Variants in TRABD2B observed in about 807,000 individuals in gnomAD.
TRABD2B encodes the protein metalloprotease TIKI2.
TRABD2B carries 14 observed loss-of-function variants against 40.1 expected under a neutral mutation model. That is an observed-to-expected ratio of 0.35 (90% CI 0.23 to 0.55). TRABD2B has a LOEUF of 0.55. TRABD2B is among the 20% of genes least tolerant of loss of function. The pLI, the probability that TRABD2B is intolerant of heterozygous loss-of-function variation, is 0.90. For missense variants in TRABD2B, 541 were observed against 648.6 expected (o/e 0.83, Z 1.80); for synonymous variants, 263 against 277.0 (o/e 0.95, Z 0.50).
chr1:47,895,559 G>A (rs1557642392), intron 2 of TRABD2B, among the ~76,000 whole-genome samples: 2 of 152,234 alleles, frequency 1.3e-5, no homozygotes, highest in South Asian at 2.1e-4. Context: ...TGTTTTACTC[G>A]GCAGCAAACC....
At chr1:47,795,957 T>C (rs1644742632) in intron 3 of TRABD2B, among the ~76,000 whole-genome samples, 2 of 152,168 alleles carry the variant, frequency 1.3e-5, no homozygotes, top group South Asian at 4.1e-4. Context: ...GGTCTTGAAC[T>C]AGGCAGAGAG....
rs546350533 is a variant in TRABD2B, at chr1:47,928,915, C to G, written c.666+65119G>C. On this transcript the variant is annotated intron_variant, in intron 2 of 6. Transcript: ENST00000606738. ...AGATCCCCTGTTGGAATTGATCTCC[C>G]AGGTAAAACCCTAACTGCTTTAACA... 4.6e-5 allele frequency among the ~76,000 whole-genome samples: 7 copies of G among 152,310 alleles called. No homozygotes were observed. In the East Asian group the frequency reaches 1.2e-3, roughly 25 times the overall value.
At chr1:47,901,014 C>T (rs1644593477) in intron 2 of TRABD2B, among the ~76,000 whole-genome samples, 1 of 152,134 alleles carries the variant, frequency 6.6e-6, no homozygotes, top group Admixed American at 6.5e-5. Context: ...TAGTTGTGCC[C>T]GTCTGTCCCA....
intron 2 of TRABD2B, among the ~76,000 whole-genome samples, chr1:47,918,474 C>G (rs541714035): frequency 6.6e-6 from 1 of 152,166 alleles, no homozygotes; most frequent in Admixed American, 6.5e-5. Context: ...ATAGCTAGTA[C>G]GCAGCACGGC....
At position 47,822,455 on chromosome 1, in the gene TRABD2B, G is replaced by T. The variant is rs778308411; in HGVS notation, c.667-20836C>A. On this transcript the variant is annotated intron_variant, in intron 2 of 6. Transcript: ENST00000606738. ...AGCTCTGAGCTTCCCTGTCACAGGG[G>T]TGATGAGGGGAGGGGGGCAGGTAGA... Among the ~76,000 whole-genome samples the T allele has an allele frequency of 1.1e-4, 16 of 152,042 alleles. No individual in the cohort carries two copies. In the Middle Eastern group the frequency reaches 0.01, roughly 97 times the overall value.
At chr1:47,870,782 T>A (rs1263239835) in intron 2 of TRABD2B, among the ~76,000 whole-genome samples, 1 of 152,166 alleles carries the variant, frequency 6.6e-6, no homozygotes, top group African/African-American at 2.4e-5. Context: ...GCAGGAAGCC[T>A]GACTGGGATG....
intron 2 of TRABD2B, among the ~76,000 whole-genome samples, chr1:47,859,222 C>T (rs1173277553): frequency 6.6e-6 from 1 of 152,178 alleles, no homozygotes; most frequent in Non-Finnish European, 1.5e-5. Flanking sequence ...TCCTTCCTTT[C>T]TTTTTCCTGC....
chr1:47,966,183 G>A (rs1418625755), intron 2 of TRABD2B, among the ~76,000 whole-genome samples: 4 of 152,172 alleles, frequency 2.6e-5, no homozygotes, highest in Non-Finnish European at 5.9e-5. Flanking sequence ...GTCTGGAAGT[G>A]CCAGGGCAGG....
chr1:47,976,611 T>C (rs773362747), intron 2 of TRABD2B, among the ~76,000 whole-genome samples: 2 of 152,158 alleles, frequency 1.3e-5, no homozygotes, highest in Non-Finnish European at 2.9e-5. Context: ...GGTGCTATGG[T>C]AGAAAAGGGC....
Position 47,994,738 on chromosome 1 carries a change from G to C in TRABD2B, c.103-141C>G. The C allele has an allele frequency of 2.7e-6, 2 of 736,454 alleles. No homozygotes were observed. Among genetic ancestry groups the C allele is most frequent in the Admixed American group, 2.9e-5 (1 of 34,350 alleles). 45.6% of individuals were successfully genotyped at this position (736,454 alleles called of 1,614,324 possible). ...GGCCGTGGTAAAGAGCCAGGTCTTTGGAGCCTGAAAGACCCACATTGAAAA... is the reference window on the plus strand; with the variant it reads ...GGCCGTGGTAAAGAGCCAGGTCTTTCGAGCCTGAAAGACCCACATTGAAAA... On this transcript the variant is annotated intron_variant, in intron 1 of 6. Transcript: ENST00000606738. The surrounding 1 kb of genome is among the most constrained non-coding windows in gnomAD (Gnocchi z 6.7).
chr1:47,865,280 G>A (rs139804802), intron 2 of TRABD2B, among the ~76,000 whole-genome samples: 39 of 152,138 alleles, frequency 2.6e-4, no homozygotes, highest in Admixed American at 1.4e-3. Flanking sequence ...ACAAGGCCTC[G>A]TTTCCTTCTG....
intron 2 of TRABD2B, among the ~76,000 whole-genome samples, chr1:47,901,729 G>A (rs1257568528): frequency 1.3e-5 from 2 of 152,312 alleles, no homozygotes; most frequent in South Asian, 2.1e-4. Flanking sequence ...TCAGGCTAAC[G>A]GAGCAGCATA....
intron 2 of TRABD2B, among the ~76,000 whole-genome samples, chr1:47,855,952 C>T (rs1489154552): frequency 6.6e-6 from 1 of 152,232 alleles, no homozygotes. Flanking sequence ...TATGTTATAG[C>T]AGCCTTAGTG....
At chr1:47,984,209 CG>C (rs1345264311) in intron 2 of TRABD2B, among the ~76,000 whole-genome samples, 1 of 152,224 alleles carries the variant, frequency 6.6e-6, no homozygotes, top group Non-Finnish European at 1.5e-5. Flanking sequence ...CGTGGCTGCC[CG>C]GGCAGGGCTG....
chr1:47,787,213 T>C (rs1277777076), intron 4 of TRABD2B, among the ~76,000 whole-genome samples: 1 of 152,208 alleles, frequency 6.6e-6, no homozygotes, highest in African/African-American at 2.4e-5. Context: ...AAATTTCAAC[T>C]GGTTTTCACC....
At chr1:47,964,732 T>C (rs1331196713) in intron 2 of TRABD2B, among the ~76,000 whole-genome samples, 2 of 152,282 alleles carry the variant, frequency 1.3e-5, no homozygotes, top group East Asian at 3.9e-4. Flanking sequence ...ACTGTATTCC[T>C]TCATGTCTAG....
At chr1:47,774,395 C>T (rs1014038107) in intron 6 of TRABD2B, among the ~76,000 whole-genome samples, 3 of 152,192 alleles carry the variant, frequency 2.0e-5, no homozygotes, top group Non-Finnish European at 4.4e-5. Context: ...CTCCCTGGGA[C>T]ATTCCTTGTG....
intron 2 of TRABD2B, among the ~76,000 whole-genome samples, chr1:47,923,006 C>T (rs1644921683): frequency 6.6e-6 from 1 of 152,216 alleles, no homozygotes; most frequent in Non-Finnish European, 1.5e-5. Flanking sequence ...CTTCCTTGTG[C>T]ACTGCAAGGC....
intron 2 of TRABD2B, among the ~76,000 whole-genome samples, chr1:47,993,354 A>G (rs183419900): frequency 6.8e-4 from 103 of 152,284 alleles, no homozygotes; most frequent in Non-Finnish European, 1.5e-4. Flanking sequence ...AAACCTCTTA[A>G]GCCCCTCCCT....
Sources: allele counts gnomAD v4.1 joint callset (sites outside exome capture counted in the v4.1 genomes callset), GRCh38; gene constraint gnomAD v4.1.1; non-coding constraint Gnocchi (gnomAD v3.1); transcripts MANE v1.5; gene names NCBI Gene and HGNC (gene_info 2026-07-23, HGNC 2026-07-21).